The following TRMT9B variants were observed in gnomAD, a reference collection of about 807,000 sequenced individuals.
TRMT9B encodes the protein tRNA methyltransferase 9B (putative).
A neutral mutation model predicts 11.5 loss-of-function variants in TRMT9B; 16 were observed. The ratio of observed to expected loss-of-function variants is 1.39; its 90% CI spans 0.94 to 2.11. The LOEUF is 2.11. Ranked by LOEUF, TRMT9B falls within the 30% of genes most tolerant of loss-of-function variation. The probability of loss-of-function intolerance (pLI) is 0.00; values close to 1 mark genes in which losing one functional copy is unlikely to be tolerated. For missense variants in TRMT9B, 941 were observed against 553.8 expected, an observed-to-expected ratio of 1.70 and a Z score of -7.02; for synonymous variants, 274 against 192.4, an observed-to-expected ratio of 1.42 and a Z score of -3.51.
At chr8:12,956,569 T>A (rs978232921) in intron 1 of TRMT9B, among the ~76,000 whole-genome samples, 5 of 152,210 alleles carry the variant, frequency 3.3e-5, no homozygotes, top group African/African-American at 1.2e-4. Context: ...TATTTTTCCT[T>A]CTCAAAGCCG....
In TRMT9B at chr8:13,021,440, G is replaced by C. The variant is rs755883986; in HGVS notation, c.761G>C (p.Arg254Thr). 1 of 1,614,034 alleles carries C rather than the reference G, an allele frequency of 6.2e-7. No homozygotes were observed. The highest frequency in any genetic ancestry group is 8.5e-7 in the Non-Finnish European group (1 of 1,179,906). The change falls in exon 5 of 5, where the codon AGA becomes ACA. Residue 254 changes from arginine to threonine, a missense_variant. Physicochemically the swap from Arg to Thr is moderately conservative, Grantham distance 71. Transcript: ENST00000524591. ...TCGTTTCGTTCCTGGTTTTTCTCCAGATCTTTGGATGAATCGACTCTGAGG... is the reference window on the plus strand; with the variant it reads ...TCGTTTCGTTCCTGGTTTTTCTCCACATCTTTGGATGAATCGACTCTGAGG... ...GKSFRSWFFS[R>T]SLDESTLRKQ...
intron 2 of TRMT9B, among the ~76,000 whole-genome samples, chr8:13,004,233 C>T (rs1362414496): frequency 1.3e-5 from 2 of 151,860 alleles, no homozygotes; most frequent in East Asian, 3.9e-4. Flanking sequence ...GCAGTGTAGG[C>T]CCCAAGGACT....
chr8:13,019,766 G>A (rs765487063), intron 4 of TRMT9B, among the ~76,000 whole-genome samples: 2 of 152,176 alleles, frequency 1.3e-5, no homozygotes, highest in Non-Finnish European at 2.9e-5. Flanking sequence ...TTCGGGAGTG[G>A]GTGGCAGCAG....
rs1463014134 is a variant in TRMT9B, at chr8:13,010,677, G to C, written c.155-2007G>C. On this transcript the variant is annotated intron_variant, in intron 3 of 4. Transcript: ENST00000524591. ...CCCTCCTCATTCTAAAGATGTATGAGTCTGATTTTATTAATATCATTGAAG... is the reference window on the plus strand; with the variant it reads ...CCCTCCTCATTCTAAAGATGTATGACTCTGATTTTATTAATATCATTGAAG... The C allele has an allele frequency of 9.1e-6, 9 of 984,638 alleles. No individual in the cohort carries two copies. The African/African-American group carries it at 1.1e-4, about 11-fold the overall frequency. The allele number at this position is 984,638 out of a possible 1,614,324, so 61.0% of individuals were successfully genotyped here.
intron 4 of TRMT9B, among the ~76,000 whole-genome samples, chr8:13,019,547 G>C (rs1323077970): frequency 1.3e-5 from 2 of 152,168 alleles, no homozygotes; most frequent in Non-Finnish European, 2.9e-5. Context: ...GCCCACCTCA[G>C]CCTCCCAAAG....
At chr8:12,996,780 C>A (rs73546492) in intron 2 of TRMT9B, among the ~76,000 whole-genome samples, 3,003 of 152,116 alleles carry the variant, frequency 0.02, 89 homozygotes, top group African/African-American at 0.068. Flanking sequence ...ATAACCTGAG[C>A]GCCCTCATGT....
At chr8:13,010,713 T>G in intron 3 of TRMT9B, 1 of 984,944 alleles carries the variant, frequency 1.0e-6, no homozygotes, top group Non-Finnish European at 1.2e-6. Flanking sequence ...TAACTTTCCC[T>G]TTCATTTCTC....
chr8:13,013,487 A>G (rs1267463308), intron 4 of TRMT9B, among the ~76,000 whole-genome samples: 1 of 152,216 alleles, frequency 6.6e-6, no homozygotes, highest in Non-Finnish European at 1.5e-5. Context: ...GGGGGAAAAA[A>G]TCCATGCCTG....
chr8:13,004,537 C>T (rs910696847), intron 2 of TRMT9B, among the ~76,000 whole-genome samples: 1 of 152,018 alleles, frequency 6.6e-6, no homozygotes, highest in Non-Finnish European at 1.5e-5. Flanking sequence ...CCCTACCCCC[C>T]AGATGATATT....
At chr8:12,988,160 A>G (rs1806657950) in intron 1 of TRMT9B, among the ~76,000 whole-genome samples, 1 of 151,788 alleles carries the variant, frequency 6.6e-6, no homozygotes, top group Non-Finnish European at 1.5e-5. Flanking sequence ...CACCTGGCTG[A>G]CCCCACTCAT....
intron 1 of TRMT9B, among the ~76,000 whole-genome samples, chr8:12,947,657 G>C (rs1030305286): frequency 1.3e-5 from 2 of 152,220 alleles, no homozygotes; most frequent in Non-Finnish European, 2.9e-5. Context: ...TAGCCAATGA[G>C]GATAAGTAAA....
intron 1 of TRMT9B, chr8:12,952,838 C>T (rs1800804834): frequency 5.1e-6 from 1 of 196,748 alleles, no homozygotes; most frequent in South Asian, 1.8e-4. Context: ...CTCCCGGGTT[C>T]AAGCAATTCC....
rs1037036880 is a variant in TRMT9B at position 13,026,301 on chromosome 8, C to G, written c.*4257C>G. On this transcript the variant is annotated 3_prime_UTR_variant, in exon 5 of 5. Transcript: ENST00000524591. The stretch of plus-strand genomic sequence containing the variant: ...GACAAAAAACCAAACACCGCATGTT[C>G]TCACTCATAGGTGGGAATTGAACAA... 8.4e-5 allele frequency: 14 copies of G among 167,160 alleles called. No homozygotes were observed. Among genetic ancestry groups the G allele is most frequent in the Non-Finnish European group, 1.5e-4 (10 of 68,164 alleles). 10.4% of individuals were successfully genotyped at this position (167,160 alleles called of 1,614,324 possible). A position where few individuals can be genotyped will look rare whatever the true frequency, so the allele number is the denominator to read the frequency against.
At chr8:13,019,423 C>G (rs978468277) in intron 4 of TRMT9B, among the ~76,000 whole-genome samples, 10 of 152,172 alleles carry the variant, frequency 6.6e-5, no homozygotes, top group East Asian at 1.9e-4. Flanking sequence ...TCCTGAGTAG[C>G]TGGAACTACA....
intron 3 of TRMT9B, among the ~76,000 whole-genome samples, chr8:13,008,711 T>C (rs558289030): frequency 1.3e-3 from 198 of 152,188 alleles, no homozygotes; most frequent in Non-Finnish European, 2.1e-3. Context: ...CTGCAACACA[T>C]GTCATAGAAA....
intron 1 of TRMT9B, among the ~76,000 whole-genome samples, chr8:12,985,907 C>T (rs1806214722): frequency 6.6e-6 from 1 of 152,050 alleles, no homozygotes; most frequent in Non-Finnish European, 1.5e-5. Flanking sequence ...GTCACCCAGG[C>T]TTGAGTGCTG....
At position 13,027,836 on chromosome 8, in the gene TRMT9B, C is replaced by T. The variant is rs536611771; in HGVS notation, c.*5792C>T. 5 of 167,028 alleles carry T rather than the reference C, an allele frequency of 3.0e-5. No individual in the cohort carries two copies. Among genetic ancestry groups the T allele is most frequent in the African/African-American group, 9.7e-5 (4 of 41,430 alleles). The allele number at this position is 167,028 out of a possible 1,614,324, so 10.3% of individuals were successfully genotyped here. Reference sequence around the variant, plus strand: ...AAGCATTAACAGACCCTCCACCAACCGTAATGCTTAACTCCTCTTGTTCCA... The same window carrying T: ...AAGCATTAACAGACCCTCCACCAACTGTAATGCTTAACTCCTCTTGTTCCA... On this transcript the variant is annotated 3_prime_UTR_variant, in exon 5 of 5. Coordinates refer to ENST00000524591, the MANE Select transcript of TRMT9B (RefSeq NM_020844.3).
At position 13,024,782 on chromosome 8, in the gene TRMT9B, T is replaced by A. The variant is rs1374132973; in HGVS notation, c.*2738T>A. The A allele has an allele frequency of 1.2e-5, 2 of 167,042 alleles. No homozygotes were observed. Among genetic ancestry groups the A allele is most frequent in the South Asian group, 2.1e-4 (1 of 4,828 alleles). 10.3% of individuals were successfully genotyped at this position (167,042 alleles called of 1,614,324 possible). A position where few individuals can be genotyped will look rare whatever the true frequency, so the allele number is the denominator to read the frequency against. ...AATAAGTCTTTTACTCTTCATCTAA[T>A]GAACATAAGAATCTATGCATCCAGA... is the stretch of plus-strand genomic sequence containing the variant. On this transcript the variant is annotated 3_prime_UTR_variant, in exon 5 of 5. Coordinates refer to ENST00000524591, the MANE Select transcript of TRMT9B (RefSeq NM_020844.3).
chr8:12,949,517 A>C (rs1034249456), intron 1 of TRMT9B, among the ~76,000 whole-genome samples: 4 of 152,246 alleles, frequency 2.6e-5, no homozygotes, highest in South Asian at 4.1e-4. Context: ...CCATTACCCA[A>C]ATTCTACTGG....
Sources: allele counts gnomAD v4.1 joint callset (sites outside exome capture counted in the v4.1 genomes callset), GRCh38; gene constraint gnomAD v4.1.1; transcripts MANE v1.5; gene names NCBI Gene and HGNC (gene_info 2026-07-23, HGNC 2026-07-21).